The following CCDC39 variants were observed in gnomAD, a reference collection of about 807,000 sequenced individuals.
The protein encoded by CCDC39 is coiled-coil domain 39 molecular ruler complex subunit, also known as coiled-coil domain-containing protein 39.
In CCDC39, 113 loss-of-function variants were observed where a neutral mutation model predicts 121.0. That is an observed-to-expected ratio of 0.93 (90% CI 0.80 to 1.09). The LOEUF (loss-of-function observed/expected upper bound fraction) is 1.09. CCDC39 is among the 50% of genes least tolerant of loss of function. The probability of loss-of-function intolerance (pLI) is 0.00; values close to 1 mark genes in which losing one functional copy is unlikely to be tolerated. For missense variants in CCDC39, 1,063 were observed against 1,074.7 expected, an observed-to-expected ratio of 0.99 and a Z score of 0.15; for synonymous variants, 349 against 352.2, an observed-to-expected ratio of 0.99 and a Z score of 0.10.
At chr3:180,660,787 C>T (rs1711724642) in intron 3 of CCDC39, 59 bp from the exon 4 acceptor site, 2 of 1,489,546 alleles carry the variant, frequency 1.3e-6, no homozygotes, top group East Asian at 2.4e-5. Flanking sequence ...ACTATACAGA[C>T]TAAAATAAAA....
Position 180,614,719 on chromosome 3 carries a change from C to T in CCDC39, c.*202G>A. On this transcript the variant is annotated 3_prime_UTR_variant, in exon 20 of 20. Transcript: ENST00000476379. ...ATGCTTGTATAACATGTAGCCTTGT[C>T]AAGAATCTGCTATTAATTTCTTCAG... 2.0e-6 allele frequency: 1 copy of T among 492,176 alleles called. No individual in the cohort carries two copies. Among genetic ancestry groups the T allele is most frequent in the South Asian group, 3.1e-5 (1 of 32,260 alleles). 30.5% of individuals were successfully genotyped at this position (492,176 alleles called of 1,614,324 possible).
intron 16 of CCDC39, among the ~76,000 whole-genome samples, chr3:180,618,564 C>T (rs916518208): frequency 6.6e-6 from 1 of 152,096 alleles, no homozygotes; most frequent in African/African-American, 2.4e-5. Flanking sequence ...CCCCTCTCCC[C>T]ACCCCACAAC....
Position 180,614,752 on chromosome 3 carries a change from A to G in CCDC39, c.*169T>C. On this transcript the variant is annotated 3_prime_UTR_variant, in exon 20 of 20. Coordinates refer to ENST00000476379, the MANE Select transcript of CCDC39 (RefSeq NM_181426.2). ...TGCTATTAATTTCTTCAGTATGAAGAAAACAGTAGAGAAAATGAGAACGTT... is the reference window on the plus strand; with the variant it reads ...TGCTATTAATTTCTTCAGTATGAAGGAAACAGTAGAGAAAATGAGAACGTT... The G allele has an allele frequency of 1.8e-6, 1 of 564,526 alleles. No homozygotes were observed. Among genetic ancestry groups the G allele is most frequent in the Non-Finnish European group, 3.0e-6 (1 of 335,168 alleles). 35.0% of individuals were successfully genotyped at this position (564,526 alleles called of 1,614,324 possible).
At chr3:180,635,925 C>T (rs531860604) in intron 13 of CCDC39, among the ~76,000 whole-genome samples, 2 of 152,318 alleles carry the variant, frequency 1.3e-5, no homozygotes, top group South Asian at 4.1e-4. Flanking sequence ...TAAAAATTCT[C>T]AGTAAATTAG....
intron 7 of CCDC39, among the ~76,000 whole-genome samples, chr3:180,653,965 T>G (rs1002762433): frequency 2.0e-5 from 3 of 151,986 alleles, no homozygotes; most frequent in Admixed American, 2.0e-4. Flanking sequence ...ATTATTTTTA[T>G]TGGGTTTCTT....
chr3:180,617,036 G>T, intron 16 of CCDC39, 70 bp from the exon 17 acceptor site: 3 of 823,500 alleles, frequency 3.6e-6, no homozygotes, highest in South Asian at 2.3e-5. Context: ...CATTTATCAA[G>T]TATTCATTTA....
intron 1 of CCDC39, among the ~76,000 whole-genome samples, chr3:180,675,707 A>C (rs1263643877): frequency 6.6e-6 from 1 of 152,172 alleles, no homozygotes; most frequent in Non-Finnish European, 1.5e-5. Context: ...AGCCAAAAAA[A>C]CAAAGCTGGA....
At chr3:180,622,694 G>T (rs1170875763) in intron 14 of CCDC39, among the ~76,000 whole-genome samples, 2 of 151,988 alleles carry the variant, frequency 1.3e-5, no homozygotes, top group African/African-American at 4.8e-5. Flanking sequence ...CTTTAATTGT[G>T]TTTATGTGAT....
Position 180,654,914 on chromosome 3 carries a change from T to G in CCDC39, c.778A>C (p.Asn260His). The change falls in exon 7 of 20, where the codon AAT becomes CAT. Residue 260 changes from asparagine (N) to histidine (H), a missense_variant. Physicochemically the swap from Asn to His is moderately conservative, Grantham distance 68 (BLOSUM62 1). Transcript: ENST00000476379. ...RIKQETREKE[N>H]LVKEKIKFLE... ...AACTTGATCTTTTCTTTAACCAAAT[T>G]TTCTTTTTCTCTCGTTTCCTGCTTT... The G allele has an allele frequency of 6.3e-7, 1 of 1,586,052 alleles. No homozygotes were observed.
At chr3:180,676,354 CAAAAG>C (rs1248298538) in intron 1 of CCDC39, among the ~76,000 whole-genome samples, 10 of 152,164 alleles carry the variant, frequency 6.6e-5, no homozygotes, top group Non-Finnish European at 1.2e-4. Flanking sequence ...TGACACTTCT[CAAAAG>C]AAGACATTTA....
chr3:180,668,386 C>T (rs2108433095), intron 1 of CCDC39, among the ~76,000 whole-genome samples: 1 of 152,102 alleles, frequency 6.6e-6, no homozygotes, highest in South Asian at 2.1e-4. Flanking sequence ...CTCAAAAAAA[C>T]AAAACAAATG....
chr3:180,640,959 C>A (rs1410707619), intron 13 of CCDC39, among the ~76,000 whole-genome samples: 1 of 151,840 alleles, frequency 6.6e-6, no homozygotes, highest in Non-Finnish European at 1.5e-5. Flanking sequence ...AGCCTGATAC[C>A]CTGACAAGGA....
chr3:180,659,429 C>CA (rs754198761), intron 6 of CCDC39, 23 bp downstream of exon 6: 7 of 1,612,016 alleles, frequency 4.3e-6, no homozygotes, highest in Non-Finnish European at 5.9e-6. Flanking sequence ...CTGAACATTA[C>CA]AAGGACCAAA....
intron 2 of CCDC39, 31 bp downstream of exon 2, chr3:180,663,836 A>G (rs753688703): frequency 1.2e-6 from 2 of 1,605,330 alleles, no homozygotes; most frequent in South Asian, 2.2e-5. Flanking sequence ...TGACTACACG[A>G]TATAATCAAC....
rs1452446429 is a variant in CCDC39 at position 180,615,084 on chromosome 3, G to T, written c.2670-7C>A. On this transcript the variant is annotated splice_polypyrimidine_tract_variant and splice_region_variant and intron_variant, in intron 19 of 19. Coordinates refer to ENST00000476379, the MANE Select transcript of CCDC39 (RefSeq NM_181426.2). The stretch of plus-strand genomic sequence containing the variant: ...ACTTGTACTCCTAGATGACCTAGAA[G>T]AAAAACCAGAATTATAAATTCAATG... 2.6e-6 allele frequency: 4 copies of T among 1,512,800 alleles called. No homozygotes were observed. Among genetic ancestry groups the T allele is most frequent in the Non-Finnish European group, 8.8e-7 (1 of 1,134,464 alleles). 93.7% of individuals were successfully genotyped at this position (1,512,800 alleles called of 1,614,324 possible).
intron 5 of CCDC39, 47 bp from the exon 6 acceptor site, chr3:180,659,627 T>C (rs1217007497): frequency 5.0e-6 from 8 of 1,606,618 alleles, no homozygotes; most frequent in South Asian, 2.2e-5. Flanking sequence ...TAAGTGGTTT[T>C]GCAAACATCA....
intron 16 of CCDC39, among the ~76,000 whole-genome samples, chr3:180,618,362 T>G (rs1338619230): frequency 2.0e-5 from 3 of 152,192 alleles, no homozygotes; most frequent in Non-Finnish European, 4.4e-5. Flanking sequence ...CAGTATCTCT[T>G]CTGCTTTATT....
chr3:180,660,594 T>C lies in CCDC39; in HGVS notation c.492A>G (p.Ala164=). ...CCCTGATTTTATTATCATCTTGTTGTGCATACTTCTGGAGAGTGAGAGCAT... is the reference window on the plus strand; with the variant it reads ...CCCTGATTTTATTATCATCTTGTTGCGCATACTTCTGGAGAGTGAGAGCAT... The part of the protein sequence containing the change: ...DSDALTLQKY[A]QQDDNKIRAL... Residue 164 remains alanine (A), a synonymous_variant, in exon 4 of 20, where the codon GCA becomes GCG. Transcript: ENST00000476379. The C allele has an allele frequency of 1.3e-6, 2 of 1,594,220 alleles. No individual in the cohort carries two copies. The highest frequency in any genetic ancestry group is 8.6e-7 in the Non-Finnish European group (1 of 1,168,446).
chr3:180,674,073 T>C (rs1024677630), intron 1 of CCDC39, among the ~76,000 whole-genome samples: 4 of 152,266 alleles, frequency 2.6e-5, no homozygotes, highest in Non-Finnish European at 4.4e-5. Flanking sequence ...TTGTGCAGTA[T>C]GGCCATTTTC....
Sources: allele counts gnomAD v4.1 joint callset (sites outside exome capture counted in the v4.1 genomes callset), GRCh38; gene constraint gnomAD v4.1.1; transcripts MANE v1.5; gene names NCBI Gene and HGNC (gene_info 2026-07-23, HGNC 2026-07-21).